CLCA1: variants seen among roughly 807,000 people sequenced by gnomAD.
The protein encoded by CLCA1 is calcium-activated chloride channel regulator 1.
A neutral mutation model predicts 85.6 loss-of-function variants in CLCA1; 59 were observed. The observed-to-expected ratio is 0.69, with a 90% CI of 0.56 to 0.86. The LOEUF (loss-of-function observed/expected upper bound fraction) is 0.86, where lower values mean the gene tolerates loss of function less well. CLCA1 is among the 40% of genes least tolerant of loss of function. The pLI is 0.00. For missense variants in CLCA1, 1,022 were observed against 1,101.4 expected (o/e 0.93, Z 1.02); for synonymous variants, 396 against 398.3 (o/e 0.99, Z 0.07).
rs763207074 is a variant in CLCA1 at position 86,486,601 on chromosome 1, G to C, written c.1030G>C (p.Val344Leu). Residue 344 changes from valine (V) to leucine (L), a missense_variant, in exon 7 of 14, where the codon GTT (valine) becomes CTT (leucine). Val to Leu is a conservative substitution (Grantham distance 32). Coordinates refer to ENST00000394711, the MANE Select transcript of CLCA1 (RefSeq NM_001285.4). ...GCAGACAGTTGAGCTGGGGTCCTGGGTTGGGATGGTGACATTTGACAGTGC... is the reference window on the plus strand; with the variant it reads ...GCAGACAGTTGAGCTGGGGTCCTGGCTTGGGATGGTGACATTTGACAGTGC... ...LLQTVELGSW[V>L]GMVTFDSAAH... 3.1e-6 allele frequency: 5 copies of C among 1,614,058 alleles called. No homozygotes were observed. The highest frequency in any genetic ancestry group is 2.5e-6 in the Non-Finnish European group (3 of 1,180,044).
chr1:86,499,819 T>C lies in CLCA1; in HGVS notation c.2519T>C (p.Leu840Pro). The change falls in exon 14 of 14, where the codon CTT (leucine) becomes CCT (proline). Residue 840 changes from leucine (L) to proline (P), a missense_variant. Coordinates refer to ENST00000394711, the MANE Select transcript of CLCA1 (RefSeq NM_001285.4). ...ENITFENGTD[L>P]FIAIQAVDKV... ...ATTACTTTTGAAAATGGCACAGATC[T>C]TTTCATTGCTATTCAGGCTGTTGAT... The C allele has an allele frequency of 1.2e-6, 2 of 1,613,764 alleles. No individual in the cohort carries two copies. The highest frequency in any genetic ancestry group is 1.7e-6 in the Non-Finnish European group (2 of 1,179,616).
chr1:86,495,794 T>C, intron 12 of CLCA1, 119 bp downstream of exon 12: 2 of 969,546 alleles, frequency 2.1e-6, no homozygotes, highest in Non-Finnish European at 1.5e-6. Context: ...ACCTTGGCAT[T>C]ATTAAGATTT....
chr1:86,476,370 A>T, intron 3 of CLCA1, 78 bp from the exon 4 acceptor site: 1 of 712,522 alleles, frequency 1.4e-6, no homozygotes, highest in South Asian at 1.8e-5. Flanking sequence ...AAATATTCCA[A>T]ACATTGCTTT....
intron 12 of CLCA1, among the ~76,000 whole-genome samples, chr1:86,496,197 T>G (rs886328522): frequency 5.9e-5 from 9 of 152,258 alleles, no homozygotes; most frequent in Non-Finnish European, 1.2e-4. Context: ...GTTTTATCAT[T>G]ATTTTAAAAA....
At chr1:86,471,071 T>C (rs1359431732) in intron 1 of CLCA1, among the ~76,000 whole-genome samples, 1 of 151,966 alleles carries the variant, frequency 6.6e-6, no homozygotes, top group Non-Finnish European at 1.5e-5. Flanking sequence ...CAAATATACA[T>C]ACACACACAC....
intron 4 of CLCA1, among the ~76,000 whole-genome samples, chr1:86,478,407 A>G (rs1647733363): frequency 6.6e-6 from 1 of 152,054 alleles, no homozygotes; most frequent in Non-Finnish European, 1.5e-5. Flanking sequence ...AGCCTAGGCA[A>G]CAGAGCAAGA....
intron 12 of CLCA1, among the ~76,000 whole-genome samples, chr1:86,496,591 G>C (rs1354741523): frequency 6.6e-6 from 1 of 152,170 alleles, no homozygotes; most frequent in Non-Finnish European, 1.5e-5. Flanking sequence ...TCCTGAGGTT[G>C]GTGTGCGGGA....
chr1:86,488,012 C>T (rs550192545), intron 7 of CLCA1, among the ~76,000 whole-genome samples: 1 of 152,252 alleles, frequency 6.6e-6, no homozygotes, highest in Admixed American at 6.5e-5. Flanking sequence ...GCAACAGCAA[C>T]AGTCACTGTT....
intron 10 of CLCA1, 121 bp from the exon 11 acceptor site, chr1:86,494,066 C>A: frequency 9.1e-7 from 1 of 1,104,384 alleles, no homozygotes; most frequent in Non-Finnish European, 1.3e-6. Context: ...AACATGCACA[C>A]CTCTTCTTAG....
intron 4 of CLCA1, among the ~76,000 whole-genome samples, chr1:86,479,884 C>CA (rs1491110622): frequency 6.6e-6 from 1 of 151,836 alleles, no homozygotes; most frequent in African/African-American, 2.4e-5. Context: ...GACTCCATCT[C>CA]AAAAAACAAA....
At chr1:86,481,635 T>C (rs1647825473) in intron 4 of CLCA1, among the ~76,000 whole-genome samples, 1 of 152,154 alleles carries the variant, frequency 6.6e-6, no homozygotes, top group Admixed American at 6.5e-5. Flanking sequence ...TTTGCCATTT[T>C]CCAAATTTTC....
chr1:86,485,516 A>G lies in CLCA1; in HGVS notation c.909A>G (p.Gly303=), dbSNP rs1240267612. ...CCACCTTCTCATTGCTGCAGATTGG[A>G]CAAAGAATTGTGTGTTTAGTCCTTG... ...PNPTFSLLQI[G]QRIVCLVLDK... Residue 303 remains glycine (G), a synonymous_variant, in exon 6 of 14, where the codon GGA becomes GGG. Coordinates refer to ENST00000394711, the MANE Select transcript of CLCA1 (RefSeq NM_001285.4). The G allele has an allele frequency of 6.2e-7, 1 of 1,614,052 alleles. No individual in the cohort carries two copies. The highest frequency in any genetic ancestry group is 2.2e-5 in the East Asian group (1 of 44,886).
intron 1 of CLCA1, among the ~76,000 whole-genome samples, chr1:86,472,819 T>C (rs1236596836): frequency 2.6e-5 from 4 of 152,224 alleles, no homozygotes; most frequent in African/African-American, 9.6e-5. Context: ...CAACATTTAG[T>C]ATTACATTTA....
intron 5 of CLCA1, among the ~76,000 whole-genome samples, chr1:86,484,625 T>C (rs1306671503): frequency 6.6e-6 from 1 of 152,146 alleles, no homozygotes; most frequent in African/African-American, 2.4e-5. Flanking sequence ...AGTCACAAAG[T>C]AAACTGCAAT....
At position 86,494,255 on chromosome 1, in the gene CLCA1, G is replaced by A. The variant is rs763299806; in HGVS notation, c.1749G>A (p.Ala583=). 54 of 1,614,196 alleles carry A rather than the reference G, an allele frequency of 3.3e-5. No homozygotes were observed. The highest frequency in any genetic ancestry group is 2.5e-4 in the East Asian group (11 of 44,886). ...TGACCCTGACTGTCACGTCCCGTGC[G>A]TCCAATGCTACCCTGCCTCCAATTA... ...QTLTLTVTSR[A]SNATLPPITV... is the part of the protein sequence containing the mutation. Residue 583 remains alanine, a synonymous_variant, in exon 11 of 14, where the codon GCG becomes GCA. Coordinates refer to ENST00000394711, the MANE Select transcript of CLCA1 (RefSeq NM_001285.4).
intron 7 of CLCA1, among the ~76,000 whole-genome samples, chr1:86,487,055 T>C (rs1558141387): frequency 6.6e-6 from 1 of 152,188 alleles, no homozygotes; most frequent in Non-Finnish European, 1.5e-5. Context: ...AGCAGGAATA[T>C]GTAGTTTCCA....
In CLCA1 at chr1:86,473,725, T is replaced by C. The variant is rs747963149; in HGVS notation, c.304-4T>C. 3 of 1,565,532 alleles carry C rather than the reference T, an allele frequency of 1.9e-6. No individual in the cohort carries two copies. The African/African-American group carries it at 4.1e-5, about 22-fold the overall frequency. ...GATGATAGAAACTTTTTCTTAAATT[T>C]CAGGCTGATGTTCTGGTTGCTGAGT... On this transcript the variant is annotated splice_region_variant and splice_polypyrimidine_tract_variant and intron_variant, in intron 2 of 13. Coordinates refer to ENST00000394711, the MANE Select transcript of CLCA1 (RefSeq NM_001285.4).
chr1:86,478,157 G>C (rs1220266457), intron 4 of CLCA1, among the ~76,000 whole-genome samples: 1 of 152,088 alleles, frequency 6.6e-6, no homozygotes, highest in African/African-American at 2.4e-5. Flanking sequence ...GGCCGGGCAT[G>C]GTGGCTCACA....
chr1:86,497,643 C>A (rs2791487), intron 12 of CLCA1, among the ~76,000 whole-genome samples: 113,448 of 152,002 alleles, frequency 0.75, 42,574 homozygotes, highest in South Asian at 0.81. Context: ...AATTTTGGAA[C>A]CCTAACATAA....
Sources: gnomAD v4.1 joint callset for allele counts (sites outside exome capture counted in the v4.1 genomes callset) on GRCh38, gnomAD v4.1.1 for gene constraint, MANE v1.5 for transcripts, NCBI Gene and HGNC (gene_info 2026-07-23, HGNC 2026-07-21) for gene names.